The following AUTS2 variants were observed in gnomAD, a reference collection of about 807,000 sequenced individuals.
AUTS2 encodes activator of transcription and developmental regulator AUTS2, also known as autism susceptibility gene 2 protein.
Under a neutral mutation model 112.4 loss-of-function variants are expected in AUTS2, and 17 were observed. The observed-to-expected ratio is 0.15, with a 90% CI of 0.10 to 0.23. The LOEUF (loss-of-function observed/expected upper bound fraction) is 0.23, where lower values mean the gene tolerates loss of function less well. Among genes scored for constraint, AUTS2 ranks in the 10% least tolerant of loss-of-function variants. The pLI, the probability that AUTS2 is intolerant of heterozygous loss-of-function variation, is 1.00. For synonymous variants in AUTS2, 751 were observed against 702.7 expected (o/e 1.07, Z -1.09); for missense variants, 1,510 against 1,701.6 (o/e 0.89, Z 1.98).
In AUTS2 at chr7:70,697,099, T is replaced by C. The variant is rs1175032809; in HGVS notation, c.691-1470T>C. On this transcript the variant is annotated intron_variant, in intron 5 of 18. Coordinates refer to ENST00000342771, the MANE Select transcript of AUTS2 (RefSeq NM_015570.4). ...TTTTGGCTTTATAACTCACTATTCT[T>C]GATCTAGGTATGACTTGTTTCTCTC... Among the ~76,000 whole-genome samples the C allele has an allele frequency of 2.6e-5, 4 of 152,338 alleles. No homozygotes were observed. The East Asian group carries it at 7.7e-4, about 29-fold the overall frequency.
At chr7:70,004,170 A>T (rs557126845) in intron 2 of AUTS2, among the ~76,000 whole-genome samples, 38 of 75,290 alleles carry the variant, frequency 5.0e-4, no homozygotes, top group Admixed American at 4.8e-3. Flanking sequence ...GAATATATAT[A>T]ATATGAATGT....
intron 1 of AUTS2, among the ~76,000 whole-genome samples, chr7:69,896,805 C>T (rs80348516): frequency 2.6e-5 from 4 of 152,310 alleles, no homozygotes; most frequent in South Asian, 4.1e-4. Flanking sequence ...AGATTATGCA[C>T]CCAGCTGCCT....
intron 5 of AUTS2, among the ~76,000 whole-genome samples, chr7:70,460,257 G>A (rs768946333): frequency 1.3e-5 from 2 of 151,632 alleles, no homozygotes; most frequent in African/African-American, 4.8e-5. Flanking sequence ...AGGGTTTCCC[G>A]GAAGTAGTGG....
chr7:70,491,028 A>C (rs1453529446), intron 5 of AUTS2, among the ~76,000 whole-genome samples: 1 of 152,172 alleles, frequency 6.6e-6, no homozygotes, highest in Non-Finnish European at 1.5e-5. Flanking sequence ...GGCCAGTTTC[A>C]TCCACTGGTC....
At chr7:70,257,103 G>A (rs1786915579) in intron 4 of AUTS2, among the ~76,000 whole-genome samples, 1 of 152,068 alleles carries the variant, frequency 6.6e-6, no homozygotes, top group African/African-American at 2.4e-5. Context: ...TAATTGTGTG[G>A]CTGGGCCTTC....
chr7:70,057,379 G>A lies in AUTS2; in HGVS notation c.523-60753G>A, dbSNP rs530590075. Reference sequence around the variant, plus strand: ...GGAGATTTTCAGGAGCATCAATGCCGGCTGACCGGACTGGTATTTGAGTCT... The same window carrying A: ...GGAGATTTTCAGGAGCATCAATGCCAGCTGACCGGACTGGTATTTGAGTCT... On this transcript the variant is annotated intron_variant, in intron 2 of 18. Coordinates refer to ENST00000342771, the MANE Select transcript of AUTS2 (RefSeq NM_015570.4). Among the ~76,000 whole-genome samples the A allele has an allele frequency of 1.8e-4, 27 of 152,260 alleles. No homozygotes were observed. In the South Asian group the frequency reaches 4.1e-3, roughly 23 times the overall value.
rs1028354742 is a variant in AUTS2, at chr7:70,631,725, C to T, written c.691-66844C>T. 2.6e-5 allele frequency among the ~76,000 whole-genome samples: 4 copies of T among 152,268 alleles called. No individual in the cohort carries two copies. Among genetic ancestry groups the T allele is most frequent in the East Asian group, 1.9e-4 (1 of 5,166 alleles). ...CATGTCCCCAACCTTAGCCTTTGCA[C>T]GGTTGGCTGGGCCACAGCAAGGGGC... On this transcript the variant is annotated intron_variant, in intron 5 of 18. Transcript: ENST00000342771. The surrounding 1 kb of genome is among the most constrained non-coding windows in gnomAD (Gnocchi z 4.5).
intron 4 of AUTS2, among the ~76,000 whole-genome samples, chr7:70,369,147 A>G (rs1241894564): frequency 6.6e-6 from 1 of 152,188 alleles, no homozygotes; most frequent in Non-Finnish European, 1.5e-5. Flanking sequence ...GCTTTCTTGG[A>G]ATGGGAAGAG....
rs780029025 is a variant in AUTS2, at chr7:69,899,270, C to G, written c.310-16C>G. The G allele has an allele frequency of 1.9e-6, 3 of 1,599,850 alleles. No homozygotes were observed. The highest frequency in any genetic ancestry group is 1.3e-5 in the African/African-American group (1 of 74,642). ...TTGTAACCACCACTTCCCTTTCCTT[C>G]TCTTCTTTTCTACAGAAAGATGTAG... On this transcript the variant is annotated splice_polypyrimidine_tract_variant and intron_variant, in intron 1 of 18. Transcript: ENST00000342771.
In AUTS2 at chr7:70,712,193, C is replaced by CTTTT. The variant is rs67326941; in HGVS notation, c.742+13604_742+13607dup. Among the ~76,000 whole-genome samples the CTTTT allele has an allele frequency of 1.3e-3, 58 of 45,178 alleles. 9 individuals are homozygous for CTTTT. The highest frequency in any genetic ancestry group is 3.1e-3 in the African/African-American group (32 of 10,194). 29.6% of individuals were successfully genotyped at this position (45,178 alleles called of 152,430 possible). On this transcript the variant is annotated intron_variant, in intron 6 of 18. Coordinates refer to ENST00000342771, the MANE Select transcript of AUTS2 (RefSeq NM_015570.4). Reference sequence around the variant, plus strand: ...GGCACAAGCCACCATGCCTGGCTCACTTTTTTTTTTTTTTTTTTTTTTTTT... The same window carrying CTTTT: ...GGCACAAGCCACCATGCCTGGCTCACTTTTTTTTTTTTTTTTTTTTTTTTTTTTT...
intron 4 of AUTS2, among the ~76,000 whole-genome samples, chr7:70,349,992 A>C (rs1207757866): frequency 7.2e-5 from 11 of 152,214 alleles, no homozygotes; most frequent in Admixed American, 7.2e-4. Flanking sequence ...GTTGGCCACT[A>C]CAAAAGGTTA....
intron 4 of AUTS2, among the ~76,000 whole-genome samples, chr7:70,209,560 A>G (rs1271973136): frequency 6.6e-6 from 1 of 152,160 alleles, no homozygotes; most frequent in East Asian, 1.9e-4. Context: ...ACAGAGTCTC[A>G]TTTATAATAT....
intron 5 of AUTS2, among the ~76,000 whole-genome samples, chr7:70,529,565 C>T (rs551959278): frequency 5.3e-5 from 8 of 152,334 alleles, no homozygotes; most frequent in Admixed American, 3.3e-4. Context: ...TGTCAAATCA[C>T]GCAGAATTCA....
In AUTS2 at chr7:70,777,166, A is replaced by C. The variant is rs1423471265; in HGVS notation, c.1996A>C (p.Lys666Gln). ...IAWQIYHHQQ[K>Q]VKKQMQSDPH... ...CTGGCAGATTTACCACCACCAACAG[A>C]AAGTCAAGGTCAGTCCGACCTTCGT... Residue 666 changes from lysine (K) to glutamine (Q), a missense_variant, in exon 14 of 19, where the codon AAA becomes CAA. By Grantham distance (53) the Lys-to-Gln change is moderately conservative. This residue lies in a region of AUTS2 where 187 missense variants were observed against 309.7 expected (regional missense o/e 0.60). Coordinates refer to ENST00000342771, the MANE Select transcript of AUTS2 (RefSeq NM_015570.4). 2 of 1,614,088 alleles carry C rather than the reference A, an allele frequency of 1.2e-6. No individual in the cohort carries two copies. Among genetic ancestry groups the C allele is most frequent in the Admixed American group, 3.3e-5 (2 of 60,020 alleles).
chr7:70,737,878 T>C lies in AUTS2; in HGVS notation c.743-24992T>C, dbSNP rs116592972. 9.2e-3 allele frequency among the ~76,000 whole-genome samples: 1,402 copies of C among 152,304 alleles called. 27 individuals are homozygous for C. Among genetic ancestry groups the C allele is most frequent in the African/African-American group, 0.032 (1,332 of 41,554 alleles). On this transcript the variant is annotated intron_variant, in intron 6 of 18. Coordinates refer to ENST00000342771, the MANE Select transcript of AUTS2 (RefSeq NM_015570.4). ...TGAGGTTGTGATTAGCAGTAAAATATAATGCAGACTAATTATTATGTTGCA... is the reference window on the plus strand; with the variant it reads ...TGAGGTTGTGATTAGCAGTAAAATACAATGCAGACTAATTATTATGTTGCA...
At chr7:70,499,206 A>G (rs1798679656) in intron 5 of AUTS2, among the ~76,000 whole-genome samples, 1 of 152,218 alleles carries the variant, frequency 6.6e-6, no homozygotes, top group Non-Finnish European at 1.5e-5. Context: ...CAGGACAGAC[A>G]TTGTGCTAAA....
intron 4 of AUTS2, among the ~76,000 whole-genome samples, chr7:70,410,398 T>TTTTA (rs10631565): frequency 0.41 from 57,711 of 140,482 alleles, 12,791 homozygotes; most frequent in East Asian, 0.48. Context: ...AGGGTTTGTC[T>TTTTA]TTTATTTATT....
intron 1 of AUTS2, chr7:69,663,175 T>G (rs1299216324): frequency 1.3e-5 from 2 of 152,240 alleles, no homozygotes; most frequent in Non-Finnish European, 2.9e-5. Context: ...GCTGGTACTC[T>G]TATTGTCAAA....
chr7:69,854,178 C>T (rs1438607631), intron 1 of AUTS2, among the ~76,000 whole-genome samples: 1 of 152,116 alleles, frequency 6.6e-6, no homozygotes, highest in Non-Finnish European at 1.5e-5. Context: ...TGTAATTGCC[C>T]AGCACTGTGC....
Sources: gnomAD v4.1 joint callset for allele counts (sites outside exome capture counted in the v4.1 genomes callset) on GRCh38, gnomAD v4.1.1 for gene constraint, gnomAD v4.1.1 regional missense constraint, Gnocchi (gnomAD v3.1) non-coding constraint, MANE v1.5 for transcripts, NCBI Gene and HGNC (gene_info 2026-07-23, HGNC 2026-07-21) for gene names.